The following FANCA variants were observed in gnomAD, a reference collection of about 807,000 sequenced individuals.
FANCA encodes Fanconi anemia group A protein.
A neutral mutation model predicts 194.3 loss-of-function variants in FANCA; 236 were observed. The observed-to-expected ratio is 1.21, with a 90% CI of 1.09 to 1.35. The LOEUF (loss-of-function observed/expected upper bound fraction) is 1.35, where lower values mean the gene tolerates loss of function less well. Ranked by LOEUF, FANCA falls within the 40% of genes most tolerant of loss-of-function variation. The pLI, the probability that FANCA is intolerant of heterozygous loss-of-function variation, is 0.00. For synonymous variants in FANCA, 1,014 were observed against 715.8 expected, an observed-to-expected ratio of 1.42 and a Z score of -6.65; for missense variants, 2,628 against 1,813.9, an observed-to-expected ratio of 1.45 and a Z score of -8.15.
At chr16:89,770,436 G>C (rs960244015) in intron 24 of FANCA, 128 bp downstream of exon 24, 1 of 1,052,884 alleles carries the variant, frequency 9.5e-7, no homozygotes, top group African/African-American at 1.6e-5. Context: ...CGTCCTATTT[G>C]ATGAAACTCA....
Position 89,739,163 on chromosome 16 carries a change from T to C in FANCA, c.4137A>G (p.Pro1379=), listed in dbSNP as rs1172262659. The part of the protein sequence containing the change: ...VAGDTSTVSP[P]AGRSLELKGQ... ...CCTTGAGCTCCAGGCTCCTGCCAGC[T>C]GGAGGTGAAACTGTGCTTGTATCCC... The change falls in exon 41 of 43, where the codon CCA becomes CCG. Residue 1379 remains proline (P), a synonymous_variant. Transcript: ENST00000389301. 1 of 1,614,166 alleles carries C rather than the reference T, an allele frequency of 6.2e-7. No homozygotes were observed. Among genetic ancestry groups the C allele is most frequent in the Non-Finnish European group, 8.5e-7 (1 of 1,180,040 alleles).
At chr16:89,750,114 G>A (rs1281623524) in intron 31 of FANCA, among the ~76,000 whole-genome samples, 1 of 152,214 alleles carries the variant, frequency 6.6e-6, no homozygotes, top group African/African-American at 2.4e-5. Flanking sequence ...TGTAATGCCA[G>A]CACTTTGGGA....
intron 33 of FANCA, among the ~76,000 whole-genome samples, chr16:89,747,461 G>A (rs1341583835): frequency 6.6e-6 from 1 of 152,164 alleles, no homozygotes; most frequent in Non-Finnish European, 1.5e-5. Context: ...AGCACTTTGG[G>A]AGGCCAAGGC....
At chr16:89,754,854 T>G (rs930333643) in intron 30 of FANCA, among the ~76,000 whole-genome samples, 1 of 152,188 alleles carries the variant, frequency 6.6e-6, no homozygotes, top group South Asian at 2.1e-4. Context: ...ATGCAGTCCG[T>G]ATCAGGGTCC....
At chr16:89,770,744 C>T in intron 23 of FANCA, 110 bp from the exon 24 acceptor site, 1 of 953,432 alleles carries the variant, frequency 1.0e-6, no homozygotes, top group South Asian at 1.4e-5. Flanking sequence ...TGCAAAAAGA[C>T]CTCCAAAACA....
intron 6 of FANCA, among the ~76,000 whole-genome samples, chr16:89,807,204 GATGAAATTCTGCT>G (rs914279712): frequency 1.5e-5 from 2 of 137,382 alleles, no homozygotes; most frequent in Admixed American, 7.3e-5. Context: ...TTTTTTTTGA[GATGAAATTCTGCT>G]CTAGGCCGAG....
chr16:89,810,861 T>A, intron 4 of FANCA, 59 bp from the exon 5 acceptor site: 2 of 1,612,676 alleles, frequency 1.2e-6, no homozygotes, highest in Non-Finnish European at 1.7e-6. Context: ...ACTAAAGCTA[T>A]GTCCTATTTT....
At chr16:89,791,236 C>T in intron 14 of FANCA, 167 bp downstream of exon 14, 2 of 895,988 alleles carry the variant, frequency 2.2e-6, no homozygotes, top group Non-Finnish European at 3.5e-6. Context: ...AGGGAGAACC[C>T]AGGCTCCTCG....
intron 14 of FANCA, among the ~76,000 whole-genome samples, chr16:89,786,977 C>T (rs2039918624): frequency 1.3e-5 from 2 of 152,176 alleles, no homozygotes; most frequent in Admixed American, 1.3e-4. Context: ...AACAGTGAGC[C>T]AGATGATCAC....
At chr16:89,744,241 G>A (rs931049162) in intron 36 of FANCA, among the ~76,000 whole-genome samples, 1 of 152,200 alleles carries the variant, frequency 6.6e-6, no homozygotes, top group African/African-American at 2.4e-5. Context: ...ACCCTGAGGG[G>A]ACCCGGTGTG....
intron 30 of FANCA, among the ~76,000 whole-genome samples, chr16:89,754,606 T>C (rs2038709429): frequency 6.6e-6 from 1 of 152,086 alleles, no homozygotes; most frequent in South Asian, 2.1e-4. Flanking sequence ...CCTGACCTCA[T>C]GATCCGCCCA....
chr16:89,780,983 A>G (rs1049448814), intron 17 of FANCA, among the ~76,000 whole-genome samples: 24 of 152,146 alleles, frequency 1.6e-4, no homozygotes, highest in African/African-American at 5.8e-4. Context: ...ATGGAAAATT[A>G]TATTAAATAT....
intron 23 of FANCA, among the ~76,000 whole-genome samples, chr16:89,771,126 T>A (rs1352864941): frequency 2.3e-5 from 3 of 129,470 alleles, no homozygotes; most frequent in Non-Finnish European, 4.7e-5. Flanking sequence ...GATCGTCCAC[T>A]CCAGCCTGGG....
chr16:89,781,227 G>C (rs1342361912), intron 17 of FANCA, among the ~76,000 whole-genome samples: 1 of 150,870 alleles, frequency 6.6e-6, no homozygotes, highest in African/African-American at 2.4e-5. Flanking sequence ...AGCCTGACGT[G>C]GTGGCGGGTG....
chr16:89,770,468 G>A, intron 24 of FANCA, 96 bp downstream of exon 24: 2 of 1,239,246 alleles, frequency 1.6e-6, no homozygotes, highest in Non-Finnish European at 2.3e-6. Flanking sequence ...TGCTCCTGCG[G>A]AGACGAGCTC....
In FANCA at chr16:89,759,659, G is replaced by A. The variant is rs2038883536; in HGVS notation, c.2853-954C>T. Among the ~76,000 whole-genome samples the A allele has an allele frequency of 2.0e-5, 3 of 152,172 alleles. No individual in the cohort carries two copies. The South Asian group carries it at 6.2e-4, about 32-fold the overall frequency. ...ACCTGTGGTCCCAGCTACTCAGGAGGCTGAGGCAGGAGGATCACTCGAGCT... is the reference window on the plus strand; with the variant it reads ...ACCTGTGGTCCCAGCTACTCAGGAGACTGAGGCAGGAGGATCACTCGAGCT... On this transcript the variant is annotated intron_variant, in intron 29 of 42. Coordinates refer to ENST00000389301, the MANE Select transcript of FANCA (RefSeq NM_000135.4).
rs1161525939 is a variant in FANCA at position 89,792,486 on chromosome 16, G to A, written c.1068C>T (p.Thr356=). The A allele has an allele frequency of 3.1e-6, 5 of 1,613,408 alleles. No individual in the cohort carries two copies. The Admixed American group carries it at 6.7e-5, about 22-fold the overall frequency. Residue 356 remains threonine, a synonymous_variant, in exon 12 of 43, where the codon ACC becomes ACT. Transcript: ENST00000389301. ...ATCCACTCACCCTGCGGTACAGTGA[G>A]GTGAGCAGAGGGTGTGTCCGCGCAA... ...WSFARTHPLL[T]SLYRRLFVML...
intron 11 of FANCA, among the ~76,000 whole-genome samples, chr16:89,795,645 C>G (rs946920954): frequency 6.6e-6 from 1 of 152,054 alleles, no homozygotes; most frequent in African/African-American, 2.4e-5. Context: ...CTCAAACAAA[C>G]AAACAAAAAA....
intron 9 of FANCA, 37 bp downstream of exon 9, chr16:89,799,568 G>GTCAT (rs2040368212): frequency 6.3e-7 from 1 of 1,596,326 alleles, no homozygotes; most frequent in African/African-American, 1.3e-5. Context: ...AGCAAACTAA[G>GTCAT]TCATTTACAG....
Sources: allele counts gnomAD v4.1 joint callset (sites outside exome capture counted in the v4.1 genomes callset), GRCh38; gene constraint gnomAD v4.1.1; transcripts MANE v1.5; gene names NCBI Gene and HGNC (gene_info 2026-07-23, HGNC 2026-07-21).